The following DIP2C variants were observed in gnomAD, a reference collection of about 807,000 sequenced individuals.
The protein encoded by DIP2C is DIP2 acetate--CoA ligase C (putative).
DIP2C carries 33 observed loss-of-function variants against 192.4 expected under a neutral mutation model. That is an observed-to-expected ratio of 0.17 (90% CI 0.13 to 0.23). The LOEUF is 0.23. Ranked by LOEUF, DIP2C falls within the 10% of genes least tolerant of loss-of-function variation. The pLI, the probability that DIP2C is intolerant of heterozygous loss-of-function variation, is 1.00. For missense variants in DIP2C, 1,537 were observed against 2,110.1 expected (o/e 0.73, Z 5.32); for synonymous variants, 979 against 864.1 (o/e 1.13, Z -2.33).
chr10:378,677 A>G lies in DIP2C; in HGVS notation c.1991+3970T>C, dbSNP rs1417638622. Among the ~76,000 whole-genome samples the G allele has an allele frequency of 2.6e-5, 4 of 152,156 alleles. 1 individual carries two copies. Among genetic ancestry groups the G allele is most frequent in the South Asian group, 4.1e-4 (2 of 4,828 alleles). ...CATGAACAGATATGCCTAGGCACAC[A>G]TGAACAGACATGCATACACACATGA... On this transcript the variant is annotated intron_variant, in intron 17 of 36. Coordinates refer to ENST00000280886, the MANE Select transcript of DIP2C (RefSeq NM_014974.3).
chr10:504,352 C>CTGG (rs980492178), intron 1 of DIP2C, among the ~76,000 whole-genome samples: 1 of 152,176 alleles, frequency 6.6e-6, no homozygotes, highest in African/African-American at 2.4e-5. Context: ...CGTGCCGAGG[C>CTGG]TGGCCACCCG....
chr10:627,411 C>G (rs892195708), intron 1 of DIP2C, among the ~76,000 whole-genome samples: 5 of 152,216 alleles, frequency 3.3e-5, no homozygotes, highest in Non-Finnish European at 7.3e-5. Context: ...CGCTGCTTCC[C>G]TAAACAAAGT....
rs954313594 is a variant in DIP2C at position 650,333 on chromosome 10, C to T, written c.85+39161G>A. On this transcript the variant is annotated intron_variant, in intron 1 of 36. Coordinates refer to ENST00000280886, the MANE Select transcript of DIP2C (RefSeq NM_014974.3). ...CCCGGGGCTGTGGACCACGCCAGCC[C>T]ACAGCCACTGCAAGCCCCAGACCGG... 1.4e-5 allele frequency: 10 copies of T among 716,568 alleles called. No homozygotes were observed. The Admixed American group carries it at 2.0e-4, about 14-fold the overall frequency. 44.4% of individuals were successfully genotyped at this position (716,568 alleles called of 1,614,324 possible). A position where few individuals can be genotyped will look rare whatever the true frequency, so the allele number is the denominator to read the frequency against.
intron 3 of DIP2C, among the ~76,000 whole-genome samples, chr10:466,045 G>T (rs1970172429): frequency 6.6e-6 from 1 of 150,754 alleles, no homozygotes; most frequent in Admixed American, 6.6e-5. Flanking sequence ...CTACTTTAAA[G>T]TTCATATGGA....
At chr10:295,141 TAAAG>T (rs553138196) in intron 32 of DIP2C, among the ~76,000 whole-genome samples, 340 of 149,684 alleles carry the variant, frequency 2.3e-3, no homozygotes, top group Middle Eastern at 6.9e-3. Context: ...ATTAGGAAAA[TAAAG>T]AAATAAAAGA....
At chr10:551,452 C>A (rs186200539) in intron 1 of DIP2C, among the ~76,000 whole-genome samples, 1 of 152,188 alleles carries the variant, frequency 6.6e-6, no homozygotes, top group Non-Finnish European at 1.5e-5. Flanking sequence ...TCCTGGCCCC[C>A]GAGGCCAATA....
intron 1 of DIP2C, among the ~76,000 whole-genome samples, chr10:637,898 G>C (rs74620376): frequency 5.4e-4 from 82 of 152,292 alleles, no homozygotes; most frequent in African/African-American, 1.9e-3. Flanking sequence ...TCAGAGGTCA[G>C]AGTCAGTCCA....
chr10:352,152 A>G (rs1379262387), intron 24 of DIP2C, among the ~76,000 whole-genome samples: 2 of 152,170 alleles, frequency 1.3e-5, no homozygotes, highest in African/African-American at 4.8e-5. Context: ...GCTGAAGCTG[A>G]TTTCCTATCA....
intron 1 of DIP2C, among the ~76,000 whole-genome samples, chr10:613,398 G>T (rs117223940): frequency 6.6e-6 from 1 of 152,172 alleles, no homozygotes; most frequent in Non-Finnish European, 1.5e-5. Context: ...TGTCTGGAAC[G>T]TGCCTGCCAG....
chr10:616,277 GCTC>G (rs1468244253), intron 1 of DIP2C, among the ~76,000 whole-genome samples: 1 of 152,198 alleles, frequency 6.6e-6, no homozygotes, highest in African/African-American at 2.4e-5. Flanking sequence ...GGCAGTAATA[GCTC>G]CTATTTACGT....
intron 28 of DIP2C, among the ~76,000 whole-genome samples, chr10:344,093 C>T (rs910558522): frequency 1.3e-5 from 2 of 152,190 alleles, no homozygotes; most frequent in Non-Finnish European, 2.9e-5. Flanking sequence ...AGACTATAAG[C>T]GGGCCATGAA....
intron 1 of DIP2C, among the ~76,000 whole-genome samples, chr10:614,348 G>A (rs1381944962): frequency 6.6e-6 from 1 of 152,222 alleles, no homozygotes; most frequent in Non-Finnish European, 1.5e-5. Context: ...AGTCACCCCA[G>A]CCCCCGCCAG....
intron 17 of DIP2C, among the ~76,000 whole-genome samples, chr10:376,847 A>C (rs1269224875): frequency 1.3e-5 from 2 of 152,198 alleles, no homozygotes; most frequent in Non-Finnish European, 2.9e-5. Context: ...TATTTTCAGG[A>C]AACACGCACC....
chr10:326,147 C>A (rs560334298), intron 31 of DIP2C, among the ~76,000 whole-genome samples: 11 of 152,016 alleles, frequency 7.2e-5, no homozygotes, highest in African/African-American at 2.7e-4. Context: ...TGAGCCATGA[C>A]GCCACTGCAC....
intron 4 of DIP2C, among the ~76,000 whole-genome samples, chr10:434,826 A>C (rs1346083894): frequency 6.6e-6 from 1 of 152,110 alleles, no homozygotes; most frequent in Non-Finnish European, 1.5e-5. Flanking sequence ...TTTTGAGGGG[A>C]AGTTGAATAG....
At chr10:617,595 A>G (rs1005144615) in intron 1 of DIP2C, among the ~76,000 whole-genome samples, 14 of 152,008 alleles carry the variant, frequency 9.2e-5, no homozygotes, top group Admixed American at 5.2e-4. Flanking sequence ...CCACGCAGTG[A>G]CCTGCCACGT....
At chr10:479,326 T>C (rs114033841) in intron 2 of DIP2C, among the ~76,000 whole-genome samples, 1 of 135,144 alleles carries the variant, frequency 7.4e-6, no homozygotes, top group African/African-American at 2.8e-5. Flanking sequence ...ATTCTCACAC[T>C]GCTTTTTTTT....
chr10:537,853 G>A (rs946400606), intron 1 of DIP2C, among the ~76,000 whole-genome samples: 10 of 150,858 alleles, frequency 6.6e-5, no homozygotes, highest in African/African-American at 9.8e-5. Flanking sequence ...GTGCAGTGGC[G>A]ATCTCGGCTC....
At chr10:307,156 T>A (rs540396312) in intron 32 of DIP2C, among the ~76,000 whole-genome samples, 1 of 152,338 alleles carries the variant, frequency 6.6e-6, no homozygotes, top group African/African-American at 2.4e-5. Context: ...CCACACTTCC[T>A]GTACAGCCTG....
Sources: allele counts gnomAD v4.1 joint callset (sites outside exome capture counted in the v4.1 genomes callset), GRCh38; gene constraint gnomAD v4.1.1; transcripts MANE v1.5; gene names NCBI Gene and HGNC (gene_info 2026-07-23, HGNC 2026-07-21).